PLEKHA7: variants seen among roughly 807,000 people sequenced by gnomAD.
PLEKHA7 encodes the protein pleckstrin homology domain containing A7.
In PLEKHA7, 104 loss-of-function variants were observed where a neutral mutation model predicts 170.0. That is an observed-to-expected ratio of 0.61 (90% confidence interval 0.52 to 0.72). The LOEUF (loss-of-function observed/expected upper bound fraction) is 0.72. PLEKHA7 is among the 30% of genes least tolerant of loss of function. PLEKHA7 has a pLI of 0.00. For missense variants in PLEKHA7, 1,615 were observed against 1,671.7 expected (o/e 0.97, Z 0.59); for synonymous variants, 648 against 660.8 (o/e 0.98, Z 0.30).
chr11:16,788,347 T>G (rs1430097594), intron 23 of PLEKHA7: 3 of 152,410 alleles, frequency 2.0e-5, no homozygotes, highest in African/African-American at 7.2e-5. Context: ...TCAATGCAAA[T>G]CAGAAGCTTC....
rs1000076120 is a variant in PLEKHA7 at position 16,820,001 on chromosome 11, G to A, written c.1344-2679C>T. 4.6e-5 allele frequency among the ~76,000 whole-genome samples: 7 copies of A among 152,294 alleles called. No homozygotes were observed. The East Asian group carries it at 1.3e-3, about 29-fold the overall frequency. On this transcript the variant is annotated intron_variant, in intron 10 of 26. Transcript: ENST00000531066. The stretch of plus-strand genomic sequence containing the variant: ...GGTGATGAATGTCAATTGGTTTGAT[G>A]TAATCATTTCATAATGTATACATAT...
chr11:16,845,770 A>AG lies in PLEKHA7; in HGVS notation c.697-4049dup, dbSNP rs962511963. On this transcript the variant is annotated intron_variant, in intron 8 of 26. Transcript: ENST00000531066. ...AGGTTCGAGTCAGCAGAAACAGGTG[A>AG]GGGGGGGATGGGTCAGGAGGCTACT... Among the ~76,000 whole-genome samples, 12 of 152,134 alleles carry AG rather than the reference A, an allele frequency of 7.9e-5. No individual in the cohort carries two copies. The South Asian group carries it at 8.3e-4, about 11-fold the overall frequency.
intron 3 of PLEKHA7, among the ~76,000 whole-genome samples, chr11:16,903,173 G>A (rs147129183): frequency 2.0e-5 from 3 of 152,288 alleles, no homozygotes; most frequent in Middle Eastern, 3.4e-3. Flanking sequence ...TTAGAAAAGC[G>A]AGAATAACTT....
Position 16,840,011 on chromosome 11 carries a change from A to G in PLEKHA7, c.872+1536T>C, listed in dbSNP as rs191973407. On this transcript the variant is annotated intron_variant, in intron 9 of 26. Coordinates refer to ENST00000531066, the MANE Select transcript of PLEKHA7 (RefSeq NM_001329630.2). ...GAAATGCCAACCACACTGTGAGGTA[A>G]GCCCCGCAGGCTACTGGCAGAGTCT... Among the ~76,000 whole-genome samples, 469 of 152,262 alleles carry G rather than the reference A, an allele frequency of 3.1e-3. 3 individuals are homozygous for G. In the Middle Eastern group the frequency reaches 0.051, roughly 17 times the overall value.
chr11:16,997,131 AT>A (rs1387542225), intron 3 of PLEKHA7, among the ~76,000 whole-genome samples: 4 of 151,990 alleles, frequency 2.6e-5, no homozygotes, highest in Non-Finnish European at 5.9e-5. Context: ...GGCCAAGGTC[AT>A]TTCTGTATTC....
intron 3 of PLEKHA7, among the ~76,000 whole-genome samples, chr11:16,937,646 T>C (rs1380140708): frequency 1.3e-5 from 2 of 152,148 alleles, no homozygotes; most frequent in African/African-American, 2.4e-5. Context: ...TTCACTTTTG[T>C]TGCCCAAGCT....
chr11:16,848,790 G>A (rs557742176), intron 8 of PLEKHA7, among the ~76,000 whole-genome samples: 9 of 152,224 alleles, frequency 5.9e-5, no homozygotes, highest in South Asian at 2.1e-4. Flanking sequence ...GGCCAAGTAC[G>A]GTGGATACTC....
intron 21 of PLEKHA7, 136 bp downstream of exon 21, chr11:16,790,662 C>T (rs1322011845): frequency 1.1e-5 from 9 of 817,986 alleles, no homozygotes; most frequent in African/African-American, 3.5e-5. Flanking sequence ...TCCCTCTTGG[C>T]ATCCCAGACC....
intron 17 of PLEKHA7, chr11:16,795,332 TC>T (rs1464966816): frequency 3.4e-6 from 1 of 293,216 alleles, no homozygotes; most frequent in Non-Finnish European, 6.5e-6. Context: ...GTAGTCAATT[TC>T]GTAGAGACAG....
At position 16,963,190 on chromosome 11, in the gene PLEKHA7, T is replaced by C. The variant is rs373543197; in HGVS notation, c.221+50799A>G. On this transcript the variant is annotated intron_variant, in intron 3 of 26. Transcript: ENST00000531066. ...AGGACTGGGACAGGGATGGTGACAT[T>C]AGAAAAGCAGAGAAGCAAGTGCCTG... Among the ~76,000 whole-genome samples the C allele has an allele frequency of 7.9e-5, 12 of 152,292 alleles. No homozygotes were observed. In the East Asian group the frequency reaches 2.3e-3, roughly 29 times the overall value.
intron 3 of PLEKHA7, among the ~76,000 whole-genome samples, chr11:16,997,250 T>C (rs906547854): frequency 2.0e-5 from 3 of 152,130 alleles, no homozygotes; most frequent in African/African-American, 7.2e-5. Flanking sequence ...CTCCACCCCA[T>C]AGTCTACCTC....
rs760086118 is a variant in PLEKHA7 at position 16,791,233 on chromosome 11, G to A, written c.2746-34C>T. On this transcript the variant is annotated intron_variant, in intron 19 of 26. Coordinates refer to ENST00000531066, the MANE Select transcript of PLEKHA7 (RefSeq NM_001329630.2). This position sits in a 1 kb window ranked among gnomAD's most constrained non-coding sequence, Gnocchi z 4.5. ...AAAGAGAACCAGACCAGTGGTCAGC[G>A]AGACGGAGCTGGAGGGAGGACTGCT... 1.3e-5 allele frequency: 20 copies of A among 1,545,358 alleles called. No homozygotes were observed. The highest frequency in any genetic ancestry group is 1.7e-4 in the Middle Eastern group (1 of 5,764).
rs370399909 is a variant in PLEKHA7, at chr11:16,981,991, G to A, written c.221+31998C>T. Among the ~76,000 whole-genome samples the A allele has an allele frequency of 2.0e-4, 31 of 152,220 alleles. No individual in the cohort carries two copies. In the South Asian group the frequency reaches 4.8e-3, roughly 23 times the overall value. ...AACCCCACTCCACCCTCGGCCCTTC[G>A]GCATGCAAGACACCAGGAAGGACAG... On this transcript the variant is annotated intron_variant, in intron 3 of 26. Transcript: ENST00000531066.
intron 4 of PLEKHA7, among the ~76,000 whole-genome samples, chr11:16,865,278 A>G (rs1024172528): frequency 6.6e-6 from 1 of 152,226 alleles, no homozygotes; most frequent in Non-Finnish European, 1.5e-5. Context: ...CTGAGCTTGT[A>G]TTAGCTCTCC....
chr11:16,893,189 T>C (rs1489958245), intron 3 of PLEKHA7, among the ~76,000 whole-genome samples: 2 of 152,188 alleles, frequency 1.3e-5, no homozygotes, highest in Non-Finnish European at 2.9e-5. Context: ...AGGCATAGGA[T>C]AGGTTAAATC....
intron 4 of PLEKHA7, among the ~76,000 whole-genome samples, chr11:16,856,736 C>T (rs866261227): frequency 5.3e-5 from 8 of 152,316 alleles, no homozygotes; most frequent in African/African-American, 1.7e-4. Flanking sequence ...TTCAAGGCAG[C>T]GGTGACAAAT....
intron 3 of PLEKHA7, chr11:17,013,272 C>G (rs890618236): frequency 2.0e-5 from 3 of 152,336 alleles, no homozygotes; most frequent in African/African-American, 4.8e-5. Context: ...ACTGATCCTA[C>G]AGACCCAGGG....
At chr11:16,784,745 C>A (rs893904453) in intron 24 of PLEKHA7, among the ~76,000 whole-genome samples, 1 of 152,212 alleles carries the variant, frequency 6.6e-6, no homozygotes, top group Non-Finnish European at 1.5e-5. Context: ...TGGATTTAAA[C>A]CCACACGCAG....
chr11:16,931,581 A>C (rs1421138479), intron 3 of PLEKHA7, among the ~76,000 whole-genome samples: 1 of 151,742 alleles, frequency 6.6e-6, no homozygotes, highest in Non-Finnish European at 1.5e-5. Flanking sequence ...AAAACAAACA[A>C]ACACAACACA....
Sources: gnomAD v4.1 joint callset for allele counts (sites outside exome capture counted in the v4.1 genomes callset) on GRCh38, gnomAD v4.1.1 for gene constraint, Gnocchi (gnomAD v3.1) non-coding constraint, MANE v1.5 for transcripts, NCBI Gene and HGNC (gene_info 2026-07-23, HGNC 2026-07-21) for gene names.